The following ERBB4 variants were observed in gnomAD, a reference collection of about 807,000 sequenced individuals.
The protein encoded by ERBB4 is erb-b2 receptor tyrosine kinase 4.
ERBB4 carries 42 observed loss-of-function variants against 158.0 expected under a neutral mutation model. The observed-to-expected ratio is 0.27, with a 90% CI of 0.21 to 0.34. The LOEUF is 0.34. Among genes scored for constraint, ERBB4 ranks in the 10% least tolerant of loss-of-function variants. The probability of loss-of-function intolerance (pLI) is 1.00; values close to 1 mark genes in which losing one functional copy is unlikely to be tolerated. For missense variants in ERBB4, 1,333 were observed against 1,624.1 expected, an observed-to-expected ratio of 0.82 and a Z score of 3.08; for synonymous variants, 583 against 558.7, an observed-to-expected ratio of 1.04 and a Z score of -0.61.
chr2:212,172,234 A>G (rs1390876362), intron 1 of ERBB4, among the ~76,000 whole-genome samples: 1 of 152,182 alleles, frequency 6.6e-6, no homozygotes, highest in Non-Finnish European at 1.5e-5. Flanking sequence ...TACCAGTCAG[A>G]ATGGCCATTA....
intron 2 of ERBB4, among the ~76,000 whole-genome samples, chr2:212,047,919 T>C (rs1194875615): frequency 2.6e-5 from 4 of 152,162 alleles, no homozygotes; most frequent in Non-Finnish European, 5.9e-5. Context: ...AAAAAGCACA[T>C]TGTGATAGGT....
At chr2:211,534,213 T>G (rs984799800) in intron 20 of ERBB4, among the ~76,000 whole-genome samples, 5 of 152,112 alleles carry the variant, frequency 3.3e-5, no homozygotes, top group African/African-American at 1.2e-4. Flanking sequence ...TGACGCAGGC[T>G]AAGCCTCCCA....
chr2:212,441,721 G>C (rs893343971), intron 1 of ERBB4, among the ~76,000 whole-genome samples: 1 of 152,020 alleles, frequency 6.6e-6, no homozygotes, highest in Non-Finnish European at 1.5e-5. Context: ...TAGTTTATTT[G>C]CTTGGTTAGC....
At chr2:211,956,577 A>G (rs2081041010) in intron 2 of ERBB4, among the ~76,000 whole-genome samples, 1 of 152,128 alleles carries the variant, frequency 6.6e-6, no homozygotes, top group South Asian at 2.1e-4. Flanking sequence ...CACAACAGGA[A>G]AAATTCCTGC....
At chr2:211,738,626 C>T (rs991966675) in intron 5 of ERBB4, among the ~76,000 whole-genome samples, 1 of 151,448 alleles carries the variant, frequency 6.6e-6, no homozygotes, top group East Asian at 1.9e-4. Flanking sequence ...CCTGCCTTGG[C>T]CTCCCAGAGT....
At chr2:212,414,452 T>G (rs1415213832) in intron 1 of ERBB4, among the ~76,000 whole-genome samples, 1 of 152,318 alleles carries the variant, frequency 6.6e-6, no homozygotes, top group African/African-American at 2.4e-5. Flanking sequence ...TGAAAGGTGA[T>G]CTTTCTCTAA....
At chr2:211,793,587 T>C (rs2076322790) in intron 3 of ERBB4, among the ~76,000 whole-genome samples, 1 of 151,942 alleles carries the variant, frequency 6.6e-6, no homozygotes, top group South Asian at 2.1e-4. Flanking sequence ...TAAAGCAATG[T>C]ATCTTTCTCA....
chr2:211,418,672 A>C (rs2063447071), intron 25 of ERBB4, among the ~76,000 whole-genome samples: 2 of 152,138 alleles, frequency 1.3e-5, no homozygotes, highest in Non-Finnish European at 2.9e-5. Context: ...CAAGCTAAGA[A>C]AGAAAAACTA....
chr2:212,410,291 A>T (rs2091459992), intron 1 of ERBB4, among the ~76,000 whole-genome samples: 1 of 151,954 alleles, frequency 6.6e-6, no homozygotes, highest in Non-Finnish European at 1.5e-5. Flanking sequence ...ACAATAGTAA[A>T]CATATTCTAG....
At chr2:212,533,612 T>G (rs2106349485) in intron 1 of ERBB4, among the ~76,000 whole-genome samples, 1 of 152,332 alleles carries the variant, frequency 6.6e-6, no homozygotes, top group South Asian at 2.1e-4. Flanking sequence ...GGGGTTATTT[T>G]TCATTATAAA....
chr2:212,225,463 T>C (rs1223870377), intron 1 of ERBB4, among the ~76,000 whole-genome samples: 1 of 113,368 alleles, frequency 8.8e-6, no homozygotes, highest in Non-Finnish European at 1.9e-5. Context: ...TTTCGAATTA[T>C]GAAATGCCTC....
chr2:211,639,041 G>A (rs1474122611), intron 16 of ERBB4, among the ~76,000 whole-genome samples: 1 of 152,038 alleles, frequency 6.6e-6, no homozygotes, highest in African/African-American at 2.4e-5. Flanking sequence ...AACGAATTAC[G>A]CCAGGAAGAA....
At chr2:211,950,361 G>A (rs2080840943) in intron 2 of ERBB4, among the ~76,000 whole-genome samples, 1 of 152,114 alleles carries the variant, frequency 6.6e-6, no homozygotes, top group Non-Finnish European at 1.5e-5. Context: ...GGATAGAAGT[G>A]GGTGGAAGAG....
chr2:212,115,591 C>T (rs1413215397), intron 2 of ERBB4, among the ~76,000 whole-genome samples: 1 of 152,154 alleles, frequency 6.6e-6, no homozygotes. Flanking sequence ...CTTTTACATG[C>T]TCAATTTCCC....
intron 25 of ERBB4, among the ~76,000 whole-genome samples, chr2:211,399,532 C>T (rs2062990092): frequency 6.6e-6 from 1 of 152,128 alleles, no homozygotes; most frequent in Admixed American, 6.5e-5. Context: ...AACTCAGATG[C>T]AATTATCTGA....
chr2:211,416,830 T>A (rs914323169), intron 25 of ERBB4, among the ~76,000 whole-genome samples: 2 of 145,026 alleles, frequency 1.4e-5, no homozygotes, highest in African/African-American at 5.4e-5. Flanking sequence ...TTTTTTTTTT[T>A]AACCCTACAC....
chr2:212,154,486 C>T (rs2080972747), intron 1 of ERBB4, among the ~76,000 whole-genome samples: 1 of 152,066 alleles, frequency 6.6e-6, no homozygotes, highest in South Asian at 2.1e-4. Context: ...ATCTATGTAT[C>T]ACAGTATTTA....
intron 1 of ERBB4, among the ~76,000 whole-genome samples, chr2:212,438,011 G>C (rs35610945): frequency 0.16 from 24,665 of 152,000 alleles, 2,545 homozygotes; most frequent in Non-Finnish European, 0.23. Flanking sequence ...TATGTACCAT[G>C]TTATCTCATG....
At chr2:211,603,966 CTTTCT>C (rs2068889091) in intron 19 of ERBB4, among the ~76,000 whole-genome samples, 1 of 152,194 alleles carries the variant, frequency 6.6e-6, no homozygotes, top group Non-Finnish European at 1.5e-5. Flanking sequence ...ATTTAATTTA[CTTTCT>C]TTTGATTGAA....
Sources: allele counts gnomAD v4.1 joint callset (sites outside exome capture counted in the v4.1 genomes callset), GRCh38; gene constraint gnomAD v4.1.1; transcripts MANE v1.5; gene names NCBI Gene and HGNC (gene_info 2026-07-23, HGNC 2026-07-21).